Variants in GPC6 observed in about 807,000 individuals in gnomAD.
GPC6 encodes the protein glypican 6, also known as glypican-6.
In GPC6, 14 loss-of-function variants were observed where a neutral mutation model predicts 55.2. That is an observed-to-expected ratio of 0.25 (90% CI 0.17 to 0.40). The LOEUF (loss-of-function observed/expected upper bound fraction) is 0.40. Among genes scored for constraint, GPC6 ranks in the 10% least tolerant of loss-of-function variants. The probability of loss-of-function intolerance (pLI) is 1.00; values close to 1 mark genes in which losing one functional copy is unlikely to be tolerated. For synonymous variants in GPC6, 278 were observed against 259.6 expected, an observed-to-expected ratio of 1.07 and a Z score of -0.68; for missense variants, 641 against 708.5, an observed-to-expected ratio of 0.90 and a Z score of 1.08.
chr13:94,170,951 T>A (rs981238168), intron 4 of GPC6, among the ~76,000 whole-genome samples: 1 of 152,216 alleles, frequency 6.6e-6, no homozygotes, highest in Admixed American at 6.5e-5. Flanking sequence ...TCTAGGATGT[T>A]CTTAATGTTT....
At chr13:93,502,184 A>G (rs906416942) in intron 1 of GPC6, among the ~76,000 whole-genome samples, 1 of 137,334 alleles carries the variant, frequency 7.3e-6, no homozygotes, top group Non-Finnish European at 1.7e-5. Flanking sequence ...CCTGGTTAAC[A>G]GTTCTTAAAC....
chr13:93,249,320 CT>C (rs1345249862), intron 1 of GPC6, among the ~76,000 whole-genome samples: 1 of 152,156 alleles, frequency 6.6e-6, no homozygotes, highest in Non-Finnish European at 1.5e-5. Flanking sequence ...GATTTTAATC[CT>C]AAAAATTGCT....
chr13:93,489,260 T>C (rs1879857470), intron 1 of GPC6, among the ~76,000 whole-genome samples: 1 of 151,536 alleles, frequency 6.6e-6, no homozygotes, highest in Non-Finnish European at 1.5e-5. Context: ...TTGTCAGGTT[T>C]GTCAAAGATC....
intron 3 of GPC6, among the ~76,000 whole-genome samples, chr13:93,848,336 A>C (rs2139008209): frequency 6.6e-6 from 1 of 152,168 alleles, no homozygotes; most frequent in South Asian, 2.1e-4. Context: ...TCATTTTGTA[A>C]CTTTCGTTTT....
intron 3 of GPC6, among the ~76,000 whole-genome samples, chr13:93,906,246 A>G (rs1187863999): frequency 3.3e-5 from 5 of 152,148 alleles, no homozygotes; most frequent in Non-Finnish European, 5.9e-5. Context: ...TTCACCTACT[A>G]AAAATGGCCA....
intron 3 of GPC6, among the ~76,000 whole-genome samples, chr13:93,939,451 A>C (rs992209022): frequency 5.5e-5 from 6 of 108,614 alleles, no homozygotes; most frequent in Non-Finnish European, 1.2e-4. Context: ...ATAATAAATA[A>C]AAATAGAATT....
intron 2 of GPC6, among the ~76,000 whole-genome samples, chr13:93,759,310 A>G (rs1366021375): frequency 6.6e-6 from 1 of 152,200 alleles, no homozygotes; most frequent in African/African-American, 2.4e-5. Context: ...TATGTGTGGC[A>G]CAGAGTAGCT....
At chr13:93,378,911 C>A (rs1348566589) in intron 1 of GPC6, among the ~76,000 whole-genome samples, 1 of 150,750 alleles carries the variant, frequency 6.6e-6, no homozygotes, top group African/African-American at 2.4e-5. Flanking sequence ...AGGAGAATCG[C>A]ATGAACCCAG....
rs10642875 is a variant in GPC6 at position 93,928,856 on chromosome 13, TACACAC to T, written c.711+98343_711+98348del. ...GGCTTTCTGTTTGATCCCTGTGTGT[TACACAC>T]ACACACACACACACACACACACACA... On this transcript the variant is annotated intron_variant, in intron 3 of 8. Coordinates refer to ENST00000377047, the MANE Select transcript of GPC6 (RefSeq NM_005708.5). Among the ~76,000 whole-genome samples, 424 of 142,998 alleles carry T rather than the reference TACACAC, an allele frequency of 3.0e-3. 1 individual carries two copies. Among genetic ancestry groups the T allele is most frequent in the South Asian group, 9.0e-3 (38 of 4,228 alleles). 93.8% of individuals were successfully genotyped at this position (142,998 alleles called of 152,430 possible).
At chr13:93,862,811 G>T (rs151061437) in intron 3 of GPC6, among the ~76,000 whole-genome samples, 1 of 151,740 alleles carries the variant, frequency 6.6e-6, no homozygotes, top group Non-Finnish European at 1.5e-5. Context: ...TTCTTTCCCT[G>T]TGAAGTGTAT....
intron 1 of GPC6, among the ~76,000 whole-genome samples, chr13:93,311,198 T>C (rs1879053535): frequency 6.6e-6 from 1 of 152,214 alleles, no homozygotes; most frequent in African/African-American, 2.4e-5. Context: ...ACACCTTTTC[T>C]ATTTCTGGAA....
At chr13:93,497,759 C>A (rs9561374) in intron 1 of GPC6, among the ~76,000 whole-genome samples, 2 of 151,942 alleles carry the variant, frequency 1.3e-5, no homozygotes, top group Non-Finnish European at 2.9e-5. Context: ...TAGTTTGTAC[C>A]CTGTATTAAC....
chr13:93,977,608 G>A (rs1880586668), intron 3 of GPC6, among the ~76,000 whole-genome samples: 1 of 151,576 alleles, frequency 6.6e-6, no homozygotes, highest in African/African-American at 2.4e-5. Context: ...GCCAATACAT[G>A]ATATTAGCAG....
At chr13:94,354,410 T>C (rs1237711468) in intron 6 of GPC6, among the ~76,000 whole-genome samples, 3 of 151,810 alleles carry the variant, frequency 2.0e-5, no homozygotes, top group Non-Finnish European at 4.4e-5. Flanking sequence ...AGAGATAATC[T>C]ATATCCAAAT....
At chr13:93,319,691 C>A (rs1879366904) in intron 1 of GPC6, among the ~76,000 whole-genome samples, 1 of 151,926 alleles carries the variant, frequency 6.6e-6, no homozygotes. Context: ...AAATTAAGTC[C>A]CAGGACGGAA....
rs182198684 is a variant in GPC6, at chr13:93,678,233, G to T, written c.319+132812G>T. On this transcript the variant is annotated intron_variant, in intron 2 of 8. Coordinates refer to ENST00000377047, the MANE Select transcript of GPC6 (RefSeq NM_005708.5). ...TTCTAAGGTGGCTTTATCTCTTAGA[G>T]AACTTTGCATACCAGTACAAGGAAA... Among the ~76,000 whole-genome samples the T allele has an allele frequency of 3.9e-4, 59 of 152,144 alleles. No individual in the cohort carries two copies. In the East Asian group the frequency reaches 9.7e-3, roughly 25 times the overall value.
intron 4 of GPC6, among the ~76,000 whole-genome samples, chr13:94,225,297 T>C (rs969326328): frequency 6.6e-6 from 1 of 152,146 alleles, no homozygotes; most frequent in African/African-American, 2.4e-5. Context: ...AACTGCTGAT[T>C]TCTTTGGAGT....
chr13:94,002,377 T>A (rs1881844341), intron 3 of GPC6, among the ~76,000 whole-genome samples: 1 of 152,148 alleles, frequency 6.6e-6, no homozygotes, highest in African/African-American at 2.4e-5. Flanking sequence ...CCAAAGAATA[T>A]TTAGCTATTT....
chr13:93,583,254 T>A (rs545840582), intron 2 of GPC6, among the ~76,000 whole-genome samples: 13 of 152,274 alleles, frequency 8.5e-5, no homozygotes, highest in African/African-American at 3.1e-4. Flanking sequence ...CATTTAGTCG[T>A]CTCCTTTTCT....
Sources: gnomAD v4.1 joint callset for allele counts (sites outside exome capture counted in the v4.1 genomes callset) on GRCh38, gnomAD v4.1.1 for gene constraint, MANE v1.5 for transcripts, NCBI Gene and HGNC (gene_info 2026-07-23, HGNC 2026-07-21) for gene names.